ZZZ3: variants seen among roughly 807,000 people sequenced by gnomAD.
ZZZ3 encodes the protein zinc finger ZZ-type containing 3, also known as ZZ-type zinc finger-containing protein 3.
ZZZ3 carries 22 observed loss-of-function variants against 95.2 expected under a neutral mutation model. The ratio of observed to expected loss-of-function variants is 0.23; its 90% CI spans 0.17 to 0.33. The LOEUF (loss-of-function observed/expected upper bound fraction) is 0.33, where lower values mean the gene tolerates loss of function less well. Ranked by LOEUF, ZZZ3 falls within the 10% of genes least tolerant of loss-of-function variation. The pLI is 1.00. For synonymous variants in ZZZ3, 335 were observed against 358.9 expected (o/e 0.93, Z 0.75); for missense variants, 885 against 1,066.5 (o/e 0.83, Z 2.37).
chr1:77,605,547 C>A (rs556766602), intron 5 of ZZZ3, among the ~76,000 whole-genome samples: 4 of 152,262 alleles, frequency 2.6e-5, no homozygotes, highest in African/African-American at 9.6e-5. Flanking sequence ...ACCACCCTTC[C>A]CCTAACCACA....
In ZZZ3 at chr1:77,632,571, T is replaced by C. The variant is rs755410810; in HGVS notation, c.784A>G (p.Ile262Val). The change falls in exon 5 of 15, where the codon ATA becomes GTA. Residue 262 changes from isoleucine to valine, a missense_variant. Coordinates refer to ENST00000370801, the MANE Select transcript of ZZZ3 (RefSeq NM_015534.6). ...TCTGTGCAAGGCACCTTATGGTCTA[T>C]ATAACTGTCCTCCTTCCTACTATCA... ...FLDSRKEDSY[I>V]DHKVPCTDSQ... 3 of 1,614,192 alleles carry C rather than the reference T, an allele frequency of 1.9e-6. No individual in the cohort carries two copies. Among genetic ancestry groups the C allele is most frequent in the African/African-American group, 1.3e-5 (1 of 75,052 alleles).
chr1:77,567,841 A>G (rs1195680441), intron 13 of ZZZ3, among the ~76,000 whole-genome samples: 17 of 152,236 alleles, frequency 1.1e-4, no homozygotes, highest in Admixed American at 1.1e-3. Context: ...AGCAACAAAA[A>G]GAGAAACGGC....
At chr1:77,639,416 C>T (rs2100891462) in intron 4 of ZZZ3, 33 bp downstream of exon 4, 1 of 1,470,872 alleles carries the variant, frequency 6.8e-7, no homozygotes, top group Non-Finnish European at 9.0e-7. Context: ...CAAACTATAG[C>T]TGTCTTCACT....
intron 1 of ZZZ3, among the ~76,000 whole-genome samples, chr1:77,681,655 G>A (rs1253951161): frequency 6.6e-6 from 1 of 152,136 alleles, no homozygotes. Flanking sequence ...ACTTTGAGAG[G>A]CCAAGGCAGG....
chr1:77,576,214 T>C lies in ZZZ3; in HGVS notation c.2185A>G (p.Thr729Ala), dbSNP rs772594436. 11 of 1,586,014 alleles carry C rather than the reference T, an allele frequency of 6.9e-6. No individual in the cohort carries two copies. The highest frequency in any genetic ancestry group is 9.4e-6 in the Non-Finnish European group (11 of 1,172,158). Residue 729 changes from threonine to alanine, a missense_variant, in exon 12 of 15, where the codon ACA (threonine) becomes GCA (alanine). By Grantham distance (58) the Thr-to-Ala change is moderately conservative (BLOSUM62 0). Transcript: ENST00000370801. ...TTAAGAGGGTGCTGTCGTCTGCTTG[T>C]TGAAGACTAAGTAAGAAAACAAATT... is the stretch of plus-strand genomic sequence containing the variant. ...NLYIYSKKSS[T>A]SRRQHPLNKH...
chr1:77,614,401 A>G (rs971989923), intron 5 of ZZZ3, among the ~76,000 whole-genome samples: 10 of 152,222 alleles, frequency 6.6e-5, no homozygotes, highest in African/African-American at 2.4e-4. Context: ...ATGATTACCC[A>G]GCTAAGGGCT....
At chr1:77,567,012 G>C (rs1023755438) in intron 13 of ZZZ3, among the ~76,000 whole-genome samples, 1 of 152,172 alleles carries the variant, frequency 6.6e-6, no homozygotes, top group Non-Finnish European at 1.5e-5. Context: ...CTCTATTGGA[G>C]AAACAGGGTC....
chr1:77,563,590 C>G lies in ZZZ3; in HGVS notation c.*2050G>C, dbSNP rs868417179. The G allele has an allele frequency of 6.6e-6, 1 of 152,162 alleles. No homozygotes were observed. The highest frequency in any genetic ancestry group is 2.4e-5 in the African/African-American group (1 of 41,432). The allele number at this position is 152,162 out of a possible 1,614,324, so 9.4% of individuals were successfully genotyped here. A position where few individuals can be genotyped will look rare whatever the true frequency, so the allele number is the denominator to read the frequency against. On this transcript the variant is annotated 3_prime_UTR_variant, in exon 15 of 15. Coordinates refer to ENST00000370801, the MANE Select transcript of ZZZ3 (RefSeq NM_015534.6). ...CATATCCCTCTTCCAAAGCATACAT[C>G]ATACTTTATGGAATTTTTGAATGGA...
chr1:77,584,716 T>C (rs1435284401), intron 5 of ZZZ3, 61 bp from the exon 6 acceptor site: 29 of 1,410,610 alleles, frequency 2.1e-5, no homozygotes, highest in Non-Finnish European at 2.7e-5. Flanking sequence ...AAATAAAAAC[T>C]GAGTTCAAGC....
intron 1 of ZZZ3, among the ~76,000 whole-genome samples, chr1:77,665,618 T>C (rs1671178025): frequency 6.6e-6 from 1 of 152,236 alleles, no homozygotes; most frequent in African/African-American, 2.4e-5. Flanking sequence ...AATATTTAGC[T>C]TGGTTAATAA....
chr1:77,569,909 CACTT>C (rs1229705321), intron 12 of ZZZ3, among the ~76,000 whole-genome samples: 3 of 152,228 alleles, frequency 2.0e-5, no homozygotes, highest in African/African-American at 7.2e-5. Context: ...ATCCCGTGCT[CACTT>C]ATTTCCTAAA....
At chr1:77,626,391 A>C (rs1030664350) in intron 5 of ZZZ3, among the ~76,000 whole-genome samples, 3 of 152,178 alleles carry the variant, frequency 2.0e-5, no homozygotes, top group Non-Finnish European at 4.4e-5. Flanking sequence ...ATAATGTAGA[A>C]TCAGTGGGAG....
intron 1 of ZZZ3, among the ~76,000 whole-genome samples, chr1:77,663,393 T>C (rs1465941517): frequency 6.6e-6 from 1 of 152,126 alleles, no homozygotes; most frequent in African/African-American, 2.4e-5. Flanking sequence ...GAACAACTCA[T>C]TACAGCCCTG....
In ZZZ3 at chr1:77,639,530, T is replaced by C. The variant is rs185645458; in HGVS notation, c.-133A>G. 759 of 1,377,848 alleles carry C rather than the reference T, an allele frequency of 5.5e-4. 1 individual carries two copies. Among genetic ancestry groups the C allele is most frequent in the Admixed American group, 8.6e-4 (31 of 35,982 alleles). 85.4% of individuals were successfully genotyped at this position (1,377,848 alleles called of 1,614,324 possible). On this transcript the variant is annotated 5_prime_UTR_variant, in exon 4 of 15. Transcript: ENST00000370801. ...AAGGAGTTGGAGCTATGATCTAGAA[T>C]GGAGCTTAAGCATCAGGGTTTCAGA... is the stretch of plus-strand genomic sequence containing the variant.
intron 5 of ZZZ3, among the ~76,000 whole-genome samples, chr1:77,600,098 T>A (rs1401046249): frequency 6.6e-6 from 1 of 150,746 alleles, no homozygotes; most frequent in Non-Finnish European, 1.5e-5. Context: ...CACATTAGAG[T>A]GCACAATATG....
chr1:77,618,233 C>CTTTTTTTTTT (rs10597366), intron 5 of ZZZ3, among the ~76,000 whole-genome samples: 1 of 81,038 alleles, frequency 1.2e-5, no homozygotes, highest in Non-Finnish European at 2.2e-5. Flanking sequence ...CCAATGCAGC[C>CTTTTTTTTTT]TTTTTTTTTT....
intron 5 of ZZZ3, among the ~76,000 whole-genome samples, chr1:77,630,458 C>T (rs977718493): frequency 6.6e-6 from 1 of 152,018 alleles, no homozygotes; most frequent in Non-Finnish European, 1.5e-5. Flanking sequence ...GCCTGGGCAA[C>T]AAGTGCGATG....
Position 77,572,464 on chromosome 1 carries a change from C to T in ZZZ3, c.2331+3604G>A, listed in dbSNP as rs542355368. Among the ~76,000 whole-genome samples the T allele has an allele frequency of 5.3e-5, 8 of 150,810 alleles. No homozygotes were observed. In the East Asian group the frequency reaches 1.4e-3, roughly 26 times the overall value. ...AAGTGATCCTCCTGCCTCAGCCTCC[C>T]GAGTAGCTGGGACTACAAGCATGCA... On this transcript the variant is annotated intron_variant, in intron 12 of 14. Transcript: ENST00000370801.
At chr1:77,584,934 C>T (rs1420392239) in intron 5 of ZZZ3, 2 of 213,752 alleles carry the variant, frequency 9.4e-6, no homozygotes, top group Non-Finnish European at 1.8e-5. Flanking sequence ...TTTTGATCTT[C>T]CAACAATCAA....
Sources: allele counts gnomAD v4.1 joint callset (sites outside exome capture counted in the v4.1 genomes callset), GRCh38; gene constraint gnomAD v4.1.1; transcripts MANE v1.5; gene names NCBI Gene and HGNC (gene_info 2026-07-23, HGNC 2026-07-21).